CSTF3: variants seen among roughly 807,000 people sequenced by gnomAD.
CSTF3 encodes the protein cleavage stimulation factor subunit 3, also known as CF-1 77 kDa subunit.
CSTF3 carries 29 observed loss-of-function variants against 105.8 expected under a neutral mutation model. The observed-to-expected ratio is 0.27, with a 90% CI of 0.20 to 0.37. CSTF3 has a LOEUF of 0.37. Among genes scored for constraint, CSTF3 ranks in the 10% least tolerant of loss-of-function variants. The probability of loss-of-function intolerance (pLI) is 1.00; values close to 1 mark genes in which losing one functional copy is unlikely to be tolerated. For synonymous variants in CSTF3, 252 were observed against 281.9 expected, an observed-to-expected ratio of 0.89 and a Z score of 1.06; for missense variants, 357 against 879.3, an observed-to-expected ratio of 0.41 and a Z score of 7.51.
At chr11:33,141,632 T>C in intron 3 of CSTF3, 35 bp downstream of exon 3, 1 of 1,586,932 alleles carries the variant, frequency 6.3e-7, no homozygotes, top group Non-Finnish European at 8.6e-7. Flanking sequence ...AATGCTGCAA[T>C]ACTGATATAA....
chr11:33,150,219 T>TAAAAAAAAAAAAAAAAAAAAAAAA (rs10714096), intron 1 of CSTF3, among the ~76,000 whole-genome samples: 18 of 104,374 alleles, frequency 1.7e-4, no homozygotes, highest in South Asian at 3.2e-4. Flanking sequence ...TGTCTCAAAC[T>TAAAAAAAAAAAAAAAAAAAAAAAA]AAAAAAAAAA....
At chr11:33,092,393 A>T (rs1166148250) in intron 15 of CSTF3, 53 bp from the exon 16 acceptor site, 21 of 1,211,850 alleles carry the variant, frequency 1.7e-5, no homozygotes, top group Middle Eastern at 1.9e-4. Context: ...ACGATGCAAC[A>T]ATATTTTCAT....
At chr11:33,091,209 A>G (rs541715220) in intron 16 of CSTF3, among the ~76,000 whole-genome samples, 8 of 152,216 alleles carry the variant, frequency 5.3e-5, no homozygotes, top group South Asian at 2.1e-4. Context: ...GAATAGAAAT[A>G]TACTCCAAAA....
chr11:33,129,083 GTGGA>G (rs1465267171), intron 3 of CSTF3, among the ~76,000 whole-genome samples: 1 of 152,094 alleles, frequency 6.6e-6, no homozygotes, highest in Admixed American at 6.6e-5. Flanking sequence ...AAAAAATAAC[GTGGA>G]TGGAAGAACC....
intron 1 of CSTF3, among the ~76,000 whole-genome samples, chr11:33,148,610 C>T (rs1161306273): frequency 1.3e-5 from 2 of 151,642 alleles, no homozygotes; most frequent in Admixed American, 6.6e-5. Context: ...GTGGGAGAAA[C>T]GCTTGAACCT....
intron 3 of CSTF3, 104 bp downstream of exon 3, chr11:33,141,563 T>C (rs754175883): frequency 2.1e-5 from 30 of 1,434,862 alleles, no homozygotes; most frequent in Non-Finnish European, 2.6e-5. Context: ...GTAAGACACA[T>C]TTAAATCCTC....
intron 3 of CSTF3, among the ~76,000 whole-genome samples, chr11:33,131,509 A>G (rs1855598408): frequency 6.6e-6 from 1 of 152,188 alleles, no homozygotes; most frequent in Non-Finnish European, 1.5e-5. Context: ...AGTGACTAGA[A>G]GCCCACATGG....
chr11:33,089,252 C>G (rs1855140864), intron 17 of CSTF3, among the ~76,000 whole-genome samples: 1 of 150,638 alleles, frequency 6.6e-6, no homozygotes, highest in Admixed American at 6.7e-5. Flanking sequence ...GGAGGCTGAA[C>G]AGGAGATCAC....
intron 9 of CSTF3, among the ~76,000 whole-genome samples, 167 bp downstream of exon 9, chr11:33,102,940 C>T (rs1855294079): frequency 6.6e-6 from 1 of 152,154 alleles, no homozygotes; most frequent in African/African-American, 2.4e-5. Flanking sequence ...TTTGTTCTTA[C>T]AAAGAGAGAT....
intron 17 of CSTF3, among the ~76,000 whole-genome samples, chr11:33,088,911 C>T (rs1490839480): frequency 6.6e-6 from 1 of 152,210 alleles, no homozygotes; most frequent in African/African-American, 2.4e-5. Context: ...AGCCACTGTG[C>T]CTGGCAGATC....
chr11:33,117,094 G>A (rs935885763), intron 3 of CSTF3, among the ~76,000 whole-genome samples: 30 of 151,860 alleles, frequency 2.0e-4, no homozygotes, highest in African/African-American at 6.0e-4. Flanking sequence ...ATGCATATTT[G>A]TCATTTGTAA....
intron 1 of CSTF3, among the ~76,000 whole-genome samples, chr11:33,142,365 T>C (rs1439670143): frequency 6.6e-6 from 1 of 152,188 alleles, no homozygotes; most frequent in Non-Finnish European, 1.5e-5. Flanking sequence ...GGAGGACATA[T>C]GTAAGCTATA....
At chr11:33,085,847 A>G (rs1855099669) in intron 19 of CSTF3, 48 bp downstream of exon 19, 4 of 1,587,174 alleles carry the variant, frequency 2.5e-6, no homozygotes, top group Middle Eastern at 1.7e-4. Flanking sequence ...ATACACAATT[A>G]CTATGACCCA....
At chr11:33,112,120 G>C (rs936888944) in intron 3 of CSTF3, among the ~76,000 whole-genome samples, 39 of 152,212 alleles carry the variant, frequency 2.6e-4, no homozygotes, top group African/African-American at 7.7e-4. Flanking sequence ...TGGGCATGGT[G>C]GCGCACACTT....
chr11:33,152,731 T>A (rs10836029), intron 1 of CSTF3, among the ~76,000 whole-genome samples: 1 of 151,934 alleles, frequency 6.6e-6, no homozygotes, highest in Admixed American at 6.5e-5. Flanking sequence ...GAGGCCGAGG[T>A]GGGCGGATCA....
intron 3 of CSTF3, among the ~76,000 whole-genome samples, chr11:33,112,299 C>T (rs1855387562): frequency 6.6e-6 from 1 of 151,798 alleles, no homozygotes; most frequent in South Asian, 2.1e-4. Context: ...ATTAAATCTG[C>T]AGTGTGACAA....
chr11:33,145,256 C>T (rs957819923), intron 1 of CSTF3, among the ~76,000 whole-genome samples: 3 of 151,580 alleles, frequency 2.0e-5, no homozygotes, highest in Admixed American at 6.6e-5. Flanking sequence ...AGCAATATGG[C>T]GAAACCCCGT....
At chr11:33,094,949 A>AAT in intron 15 of CSTF3, among the ~76,000 whole-genome samples, 3 of 152,024 alleles carry the variant, frequency 2.0e-5, no homozygotes, top group Non-Finnish European at 2.9e-5. Context: ...CCCAGGCTGG[A>AAT]GTACAATGGC....
At chr11:33,096,807 A>C (rs1855227401) in intron 14 of CSTF3, 28 bp downstream of exon 14, 1 of 1,583,462 alleles carries the variant, frequency 6.3e-7, no homozygotes. Context: ...AAGTTGTTTT[A>C]TCTTTACACT....
Sources: gnomAD v4.1 joint callset for allele counts (sites outside exome capture counted in the v4.1 genomes callset) on GRCh38, gnomAD v4.1.1 for gene constraint, MANE v1.5 for transcripts, NCBI Gene and HGNC (gene_info 2026-07-23, HGNC 2026-07-21) for gene names.